PACRG: variants seen among roughly 807,000 people sequenced by gnomAD.
PACRG encodes parkin coregulated.
Under a neutral mutation model 29.7 loss-of-function variants are expected in PACRG, and 29 were observed. The ratio of observed to expected loss-of-function variants is 0.98; its 90% CI spans 0.73 to 1.33. The LOEUF (loss-of-function observed/expected upper bound fraction) is 1.33, where lower values mean the gene tolerates loss of function less well. PACRG is among the 40% of genes most tolerant of loss of function. The pLI, the probability that PACRG is intolerant of heterozygous loss-of-function variation, is 0.00. For synonymous variants in PACRG, 116 were observed against 118.7 expected (o/e 0.98, Z 0.15); for missense variants, 279 against 316.2 (o/e 0.88, Z 0.89).
At chr6:163,305,932 T>G (rs1562370019) in intron 4 of PACRG, among the ~76,000 whole-genome samples, 2 of 152,242 alleles carry the variant, frequency 1.3e-5, no homozygotes, top group Admixed American at 6.5e-5. Flanking sequence ...TGCTACCTCC[T>G]GCTCTCGCTG....
intron 2 of PACRG, among the ~76,000 whole-genome samples, chr6:162,908,732 G>A (rs1212911780): frequency 1.3e-5 from 2 of 152,198 alleles, no homozygotes; most frequent in African/African-American, 2.4e-5. Flanking sequence ...ATTATGGACA[G>A]GGGCATGGCA....
At chr6:163,176,121 C>G (rs1779347593) in intron 4 of PACRG, among the ~76,000 whole-genome samples, 1 of 152,178 alleles carries the variant, frequency 6.6e-6, no homozygotes, top group Non-Finnish European at 1.5e-5. Flanking sequence ...CTGCCCCCCA[C>G]CCCCCAACTT....
intron 2 of PACRG, among the ~76,000 whole-genome samples, chr6:162,896,952 A>G (rs994853041): frequency 5.3e-5 from 8 of 152,360 alleles, no homozygotes; most frequent in South Asian, 2.1e-4. Context: ...GAAGTGGTGC[A>G]TACGAACCCA....
intron 4 of PACRG, among the ~76,000 whole-genome samples, chr6:163,149,198 C>A (rs1188887417): frequency 6.6e-6 from 1 of 151,982 alleles, no homozygotes; most frequent in Admixed American, 6.5e-5. Flanking sequence ...CCAGGCCGGT[C>A]GGGTGTCCTC....
chr6:163,010,127 A>G (rs2128209575), intron 2 of PACRG, among the ~76,000 whole-genome samples: 1 of 150,282 alleles, frequency 6.7e-6, no homozygotes, highest in South Asian at 2.2e-4. Context: ...GCTACAGTAC[A>G]GGGCCCATAA....
chr6:163,102,412 C>T (rs1276055001), intron 4 of PACRG, among the ~76,000 whole-genome samples: 5 of 152,182 alleles, frequency 3.3e-5, no homozygotes, highest in Non-Finnish European at 1.5e-5. Context: ...TTTCCACCAT[C>T]AACATAACCC....
At chr6:162,846,654 G>C (rs1790406026) in intron 2 of PACRG, among the ~76,000 whole-genome samples, 1 of 152,172 alleles carries the variant, frequency 6.6e-6, no homozygotes, top group Non-Finnish European at 1.5e-5. Flanking sequence ...TCCAGTGGCT[G>C]TTTTATCATA....
At chr6:163,139,436 C>A (rs1055436866) in intron 4 of PACRG, among the ~76,000 whole-genome samples, 1 of 144,902 alleles carries the variant, frequency 6.9e-6, no homozygotes, top group Non-Finnish European at 1.5e-5. Flanking sequence ...TCTTTCTGAC[C>A]ATGGGTCAAC....
chr6:162,938,950 G>T lies in PACRG; in HGVS notation c.292-123200G>T, dbSNP rs528228669. Among the ~76,000 whole-genome samples the T allele has an allele frequency of 2.0e-5, 3 of 152,182 alleles. No individual in the cohort carries two copies. In the East Asian group the frequency reaches 5.8e-4, roughly 29 times the overall value. ...GTGAGGATTTTCTCCCACTCTGTGG[G>T]TTGTCTATTTACTCTGCTGACTGTT... On this transcript the variant is annotated intron_variant, in intron 2 of 4. Transcript: ENST00000366888.
intron 1 of PACRG, among the ~76,000 whole-genome samples, chr6:162,779,077 T>C (rs1032383197): frequency 2.6e-5 from 4 of 152,132 alleles, no homozygotes; most frequent in African/African-American, 4.8e-5. Context: ...CCCCACCCCA[T>C]GTGTCCATGT....
chr6:162,942,071 A>C (rs1477942129), intron 2 of PACRG, among the ~76,000 whole-genome samples: 2 of 152,216 alleles, frequency 1.3e-5, no homozygotes, highest in Non-Finnish European at 2.9e-5. Flanking sequence ...CCACCTTTGC[A>C]GAACCAAAAT....
At chr6:163,291,187 G>T (rs1164163151) in intron 4 of PACRG, among the ~76,000 whole-genome samples, 1 of 143,434 alleles carries the variant, frequency 7.0e-6, no homozygotes, top group Non-Finnish European at 1.5e-5. Context: ...CTGCCTGCCC[G>T]AGCTGGCCTG....
At chr6:163,156,659 C>A (rs1212543089) in intron 4 of PACRG, among the ~76,000 whole-genome samples, 1 of 152,162 alleles carries the variant, frequency 6.6e-6, no homozygotes, top group African/African-American at 2.4e-5. Flanking sequence ...TATTATCTTG[C>A]AGCTCAATAG....
At chr6:162,805,810 A>G (rs926329620) in intron 1 of PACRG, among the ~76,000 whole-genome samples, 2 of 152,176 alleles carry the variant, frequency 1.3e-5, no homozygotes, top group East Asian at 3.9e-4. Flanking sequence ...GTTTTTTATG[A>G]GGTTGCAGCA....
chr6:162,734,191 C>T (rs1584171533), intron 1 of PACRG, among the ~76,000 whole-genome samples: 1 of 152,144 alleles, frequency 6.6e-6, no homozygotes, highest in Non-Finnish European at 1.5e-5. Flanking sequence ...TAATTTGCAG[C>T]TGTTTTATGC....
rs776133295 is a variant in PACRG, at chr6:162,728,190, ATT to A, written c.-45_-44del. The A allele has an allele frequency of 1.4e-5, 23 of 1,594,662 alleles. No individual in the cohort carries two copies. The highest frequency in any genetic ancestry group is 8.6e-7 in the Non-Finnish European group (1 of 1,169,474). ...CTGCTCACATCCGTAAAGCCCACTG[ATT>A]CTTTTACTACACTTTTTATGAGAAC... On this transcript the variant is annotated 5_prime_UTR_variant, in exon 1 of 5. Coordinates refer to ENST00000366888, the MANE Select transcript of PACRG (RefSeq NM_001080379.2).
chr6:163,145,105 C>T (rs759480792), intron 4 of PACRG, among the ~76,000 whole-genome samples: 3 of 152,288 alleles, frequency 2.0e-5, no homozygotes, highest in Non-Finnish European at 2.9e-5. Flanking sequence ...CCATGAGAGA[C>T]GATTTGTGAA....
At chr6:163,288,208 T>C (rs1369135305) in intron 4 of PACRG, among the ~76,000 whole-genome samples, 1 of 152,220 alleles carries the variant, frequency 6.6e-6, no homozygotes, top group Non-Finnish European at 1.5e-5. Flanking sequence ...GGGGCTGGCG[T>C]CTGATTCACC....
intron 2 of PACRG, among the ~76,000 whole-genome samples, chr6:163,006,720 A>G (rs938233247): frequency 3.3e-5 from 5 of 151,872 alleles, no homozygotes; most frequent in African/African-American, 1.2e-4. Context: ...AAATTTCTGT[A>G]CTCTGAAAAC....
Sources: allele counts gnomAD v4.1 joint callset (sites outside exome capture counted in the v4.1 genomes callset), GRCh38; gene constraint gnomAD v4.1.1; transcripts MANE v1.5; gene names NCBI Gene and HGNC (gene_info 2026-07-23, HGNC 2026-07-21).